ATF6: variants seen among roughly 807,000 people sequenced by gnomAD.
The protein encoded by ATF6 is activating transcription factor 6, also known as cyclic AMP-dependent transcription factor ATF-6 alpha.
Under a neutral mutation model 83.6 loss-of-function variants are expected in ATF6, and 53 were observed. That is an observed-to-expected ratio of 0.63 (90% CI 0.51 to 0.80). The LOEUF (loss-of-function observed/expected upper bound fraction) is 0.80, where lower values mean the gene tolerates loss of function less well. Among genes scored for constraint, ATF6 ranks in the 30% least tolerant of loss-of-function variants. The pLI is 0.00. For missense variants in ATF6, 744 were observed against 797.9 expected (o/e 0.93, Z 0.81); for synonymous variants, 288 against 285.8 (o/e 1.01, Z -0.08).
chr1:161,821,115 G>A lies in ATF6; in HGVS notation c.1141G>A (p.Val381Met), dbSNP rs1685750925. ...VPSPKRRVVCVMIVLAFIILN... is the reference protein window; with the variant it reads ...VPSPKRRVVCMMIVLAFIILN... The stretch of plus-strand genomic sequence containing the variant: ...TAGTCCAAAGCGAAGAGTTGTCTGT[G>A]TGATGATAGTATTGGCATTTATAAT... Residue 381 changes from valine (V) to methionine (M), a missense_variant, in exon 9 of 16, where the codon GTG becomes ATG. Coordinates refer to ENST00000367942, the MANE Select transcript of ATF6 (RefSeq NM_007348.4). The A allele has an allele frequency of 6.2e-7, 1 of 1,613,174 alleles. No homozygotes were observed. Among genetic ancestry groups the A allele is most frequent in the Admixed American group, 1.7e-5 (1 of 59,948 alleles).
chr1:161,908,836 G>A (rs2341476), intron 14 of ATF6, among the ~76,000 whole-genome samples: 21,887 of 152,098 alleles, frequency 0.14, 2,153 homozygotes, highest in East Asian at 0.33. Context: ...TGGAGGGAAA[G>A]AAATACAAAT....
chr1:161,916,005 G>T (rs1209243659), intron 15 of ATF6, among the ~76,000 whole-genome samples: 1 of 152,034 alleles, frequency 6.6e-6, no homozygotes, highest in Admixed American at 6.6e-5. Context: ...ACCCTTTAGA[G>T]CAGAACTCTC....
chr1:161,782,255 A>C (rs1684649988), intron 3 of ATF6, among the ~76,000 whole-genome samples: 1 of 152,240 alleles, frequency 6.6e-6, no homozygotes, highest in South Asian at 2.1e-4. Context: ...GTGATTTTGA[A>C]TTATGAATAA....
intron 12 of ATF6, among the ~76,000 whole-genome samples, chr1:161,854,060 A>G (rs1455871679): frequency 6.6e-6 from 1 of 152,254 alleles, no homozygotes; most frequent in South Asian, 2.1e-4. Context: ...TTCTCTAAAG[A>G]AACACAAAGC....
At chr1:161,802,358 G>GTT in intron 7 of ATF6, 86 bp downstream of exon 7, 2 of 1,212,418 alleles carry the variant, frequency 1.6e-6, no homozygotes, top group South Asian at 1.4e-5. Flanking sequence ...CCTTGTTTTT[G>GTT]TTTTTTTTAG....
Position 161,802,224 on chromosome 1 carries a change from C to A in ATF6, c.861C>A (p.Ser287=), listed in dbSNP as rs16847240. Residue 287 remains serine (S), a synonymous_variant, in exon 7 of 16, where the codon TCC becomes TCA. Coordinates refer to ENST00000367942, the MANE Select transcript of ATF6 (RefSeq NM_007348.4). ...ATAGCCCAGTGAATGGAAAACTTTC[C>A]GTGACTAAACCTGTCCTACAAAGTA... ...SANSPVNGKL[S]VTKPVLQSTM... 1 of 1,613,838 alleles carries A rather than the reference C, an allele frequency of 6.2e-7. No homozygotes were observed. The highest frequency in any genetic ancestry group is 2.2e-5 in the East Asian group (1 of 44,892).
chr1:161,844,736 A>T (rs940798551), intron 9 of ATF6, among the ~76,000 whole-genome samples: 2 of 152,068 alleles, frequency 1.3e-5, no homozygotes, highest in Non-Finnish European at 2.9e-5. Context: ...TTTTAAAGTT[A>T]GTTTCCTAAA....
In ATF6 at chr1:161,829,189, CTTT is replaced by C. The variant is rs35619050; in HGVS notation, c.1187+8051_1187+8053del. Among the ~76,000 whole-genome samples the C allele has an allele frequency of 2.3e-3, 165 of 72,588 alleles. 2 individuals are homozygous for C. The highest frequency in any genetic ancestry group is 8.6e-3 in the African/African-American group (161 of 18,666). 47.6% of individuals were successfully genotyped at this position (72,588 alleles called of 152,430 possible). A position where few individuals can be genotyped will look rare whatever the true frequency, so the allele number is the denominator to read the frequency against. On this transcript the variant is annotated intron_variant, in intron 9 of 15. Coordinates refer to ENST00000367942, the MANE Select transcript of ATF6 (RefSeq NM_007348.4). ...ACTCCCACACAATCATAATGGGAGA[CTTT>C]TTTTTTTTTTTTTTTTTTTTTTGGT...
At chr1:161,928,946 C>G (rs1688377687) in intron 15 of ATF6, among the ~76,000 whole-genome samples, 1 of 152,152 alleles carries the variant, frequency 6.6e-6, no homozygotes, top group African/African-American at 2.4e-5. Context: ...AGCAATGTAC[C>G]ATTCTGTTCT....
intron 1 of ATF6, among the ~76,000 whole-genome samples, chr1:161,775,655 T>C (rs149847602): frequency 2.0e-5 from 3 of 152,318 alleles, no homozygotes; most frequent in Non-Finnish European, 2.9e-5. Context: ...CTTTTTGACA[T>C]ATTCCTGTCA....
Position 161,778,279 on chromosome 1 carries a change from G to A in ATF6, c.118G>A (p.Asp40Asn). The change falls in exon 2 of 16, where the codon GAC (aspartate) becomes AAC (asparagine). Residue 40 changes from aspartate to asparagine, a missense_variant. Asp to Asn is a conservative substitution (Grantham distance 23). Coordinates refer to ENST00000367942, the MANE Select transcript of ATF6 (RefSeq NM_007348.4). Reference protein sequence around the residue: ...ALFAELGYFTDTDELQLEAAN... With the variant: ...ALFAELGYFTNTDELQLEAAN... ...CTTTGCTGAACTCGGTTATTTCACAGACACTGATGAGCTGCAATTGGAAGC... is the reference window on the plus strand; with the variant it reads ...CTTTGCTGAACTCGGTTATTTCACAAACACTGATGAGCTGCAATTGGAAGC... 1 of 1,613,740 alleles carries A rather than the reference G, an allele frequency of 6.2e-7. No homozygotes were observed. The highest frequency in any genetic ancestry group is 8.5e-7 in the Non-Finnish European group (1 of 1,179,828).
rs1478789231 is a variant in ATF6, at chr1:161,963,821, G to T, written c.*5167G>T. ...TAAGTCCAGTAGGGCTTCATCCATG[G>T]AGCCATTAGAACTGAGGGGGGAGTG... On this transcript the variant is annotated 3_prime_UTR_variant, in exon 16 of 16. Transcript: ENST00000367942. The T allele has an allele frequency of 6.6e-6, 1 of 152,170 alleles. No individual in the cohort carries two copies. Among genetic ancestry groups the T allele is most frequent in the African/African-American group, 2.4e-5 (1 of 41,430 alleles). 9.4% of individuals were successfully genotyped at this position (152,170 alleles called of 1,614,324 possible).
At chr1:161,869,101 G>A (rs767072151) in intron 14 of ATF6, among the ~76,000 whole-genome samples, 14 of 151,952 alleles carry the variant, frequency 9.2e-5, no homozygotes, top group Non-Finnish European at 1.9e-4. Context: ...TTGACTAGTG[G>A]TGTTATTTGT....
intron 14 of ATF6, among the ~76,000 whole-genome samples, chr1:161,879,486 T>C (rs1426694693): frequency 1.3e-5 from 2 of 152,110 alleles, no homozygotes; most frequent in Admixed American, 6.6e-5. Flanking sequence ...AATTACAATA[T>C]GGTGTGATGG....
intron 14 of ATF6, among the ~76,000 whole-genome samples, chr1:161,886,337 A>G (rs1398836174): frequency 1.3e-5 from 2 of 152,210 alleles, no homozygotes; most frequent in African/African-American, 2.4e-5. Flanking sequence ...TAAACGAAGA[A>G]ATTTTCTCCA....
At chr1:161,949,478 T>C (rs1383500226) in intron 15 of ATF6, among the ~76,000 whole-genome samples, 1 of 152,176 alleles carries the variant, frequency 6.6e-6, no homozygotes, top group East Asian at 1.9e-4. Flanking sequence ...TGTGCAGGTA[T>C]GGTAGTAAGT....
chr1:161,828,852 T>A (rs763812978), intron 9 of ATF6, among the ~76,000 whole-genome samples: 7 of 152,174 alleles, frequency 4.6e-5, no homozygotes, highest in Non-Finnish European at 7.3e-5. Context: ...AGAGACACTT[T>A]ATAAAAGAAA....
chr1:161,953,794 C>T lies in ATF6; in HGVS notation c.1805-4652C>T, dbSNP rs1243726617. ...TCTTCCCACTTATAACTGAGGGGCTCTAGTTTTACCACGCTCCCTGACCAG... is the reference window on the plus strand; with the variant it reads ...TCTTCCCACTTATAACTGAGGGGCTTTAGTTTTACCACGCTCCCTGACCAG... On this transcript the variant is annotated intron_variant, in intron 15 of 15. Coordinates refer to ENST00000367942, the MANE Select transcript of ATF6 (RefSeq NM_007348.4). Among the ~76,000 whole-genome samples, 4 of 152,172 alleles carry T rather than the reference C, an allele frequency of 2.6e-5. No individual in the cohort carries two copies. In the East Asian group the frequency reaches 7.7e-4, roughly 29 times the overall value.
At chr1:161,830,145 A>G (rs1247761827) in intron 9 of ATF6, among the ~76,000 whole-genome samples, 2 of 152,216 alleles carry the variant, frequency 1.3e-5, no homozygotes, top group African/African-American at 4.8e-5. Context: ...GCATTCTTAT[A>G]CACCAATAGC....
Sources: allele counts gnomAD v4.1 joint callset (sites outside exome capture counted in the v4.1 genomes callset), GRCh38; gene constraint gnomAD v4.1.1; transcripts MANE v1.5; gene names NCBI Gene and HGNC (gene_info 2026-07-23, HGNC 2026-07-21).